Variants in EYA4 observed in about 807,000 individuals in gnomAD.
The protein encoded by EYA4 is protein phosphatase EYA4.
A neutral mutation model predicts 87.9 loss-of-function variants in EYA4; 31 were observed. The ratio of observed to expected loss-of-function variants is 0.35; its 90% CI spans 0.27 to 0.48. EYA4 has a LOEUF of 0.48. EYA4 is among the 20% of genes least tolerant of loss of function. EYA4 has a pLI of 0.99. For synonymous variants in EYA4, 263 were observed against 270.6 expected (o/e 0.97, Z 0.28); for missense variants, 678 against 761.4 (o/e 0.89, Z 1.29).
chr6:133,277,248 A>G (rs1777253436), intron 2 of EYA4, among the ~76,000 whole-genome samples: 1 of 152,110 alleles, frequency 6.6e-6, no homozygotes, highest in African/African-American at 2.4e-5. Flanking sequence ...CTTCATTGCA[A>G]TTTTTAAGGC....
chr6:133,290,338 A>G (rs1778389129), intron 2 of EYA4, among the ~76,000 whole-genome samples: 1 of 152,192 alleles, frequency 6.6e-6, no homozygotes, highest in Non-Finnish European at 1.5e-5. Context: ...TTGTGCCTTC[A>G]TCAAAAAAGT....
intron 13 of EYA4, among the ~76,000 whole-genome samples, chr6:133,483,389 A>G (rs1382778599): frequency 6.6e-6 from 1 of 151,990 alleles, no homozygotes; most frequent in East Asian, 1.9e-4. Flanking sequence ...ATTATTTTAG[A>G]AAAAAAATTG....
intron 2 of EYA4, among the ~76,000 whole-genome samples, chr6:133,280,423 T>C (rs894034993): frequency 6.6e-6 from 1 of 152,198 alleles, no homozygotes; most frequent in Non-Finnish European, 1.5e-5. Flanking sequence ...TTTTTTTTGT[T>C]TGAGATGGAG....
At position 133,426,098 on chromosome 6, in the gene EYA4, C is replaced by A. The variant is rs180683065; in HGVS notation, c.84-20532C>A. On this transcript the variant is annotated intron_variant, in intron 3 of 19. Coordinates refer to ENST00000355286, the MANE Select transcript of EYA4 (RefSeq NM_004100.5). ...ACTCAGATTTGAAGCCTTCTTTTAT[C>A]TCCTGCATACATGTACATTTACAGA... is the stretch of plus-strand genomic sequence containing the variant. Among the ~76,000 whole-genome samples, 483 of 150,970 alleles carry A rather than the reference C, an allele frequency of 3.2e-3. 43 individuals carry two copies. The highest frequency in any genetic ancestry group is 0.012 in the African/African-American group (473 of 40,436).
chr6:133,443,670 C>T (rs1344039685), intron 3 of EYA4, among the ~76,000 whole-genome samples: 1 of 152,108 alleles, frequency 6.6e-6, no homozygotes, highest in Non-Finnish European at 1.5e-5. Flanking sequence ...ATAAACTTCT[C>T]ATTAATCACT....
At chr6:133,509,183 C>T (rs1438673685) in intron 14 of EYA4, among the ~76,000 whole-genome samples, 2 of 152,156 alleles carry the variant, frequency 1.3e-5, no homozygotes, top group Non-Finnish European at 2.9e-5. Context: ...AGCGCCCTAT[C>T]CTTCTGCATC....
chr6:133,421,009 G>A (rs1378479094), intron 3 of EYA4, among the ~76,000 whole-genome samples: 1 of 152,190 alleles, frequency 6.6e-6, no homozygotes, highest in African/African-American at 2.4e-5. Context: ...TCCACATCAA[G>A]CTTCGCTGCA....
chr6:133,430,269 G>A (rs1404789923), intron 3 of EYA4, among the ~76,000 whole-genome samples: 1 of 152,138 alleles, frequency 6.6e-6, no homozygotes, highest in Non-Finnish European at 1.5e-5. Flanking sequence ...TATATTTTAG[G>A]TGTGTGTGTT....
chr6:133,270,134 A>C (rs1007411376), intron 1 of EYA4, among the ~76,000 whole-genome samples: 11 of 152,206 alleles, frequency 7.2e-5, no homozygotes, highest in Non-Finnish European at 1.5e-5. Context: ...TGTTTTGGCA[A>C]CACCCTCACA....
At chr6:133,251,815 A>G (rs750756546) in intron 1 of EYA4, among the ~76,000 whole-genome samples, 1 of 152,192 alleles carries the variant, frequency 6.6e-6, no homozygotes, top group Non-Finnish European at 1.5e-5. Context: ...TCTTAATATC[A>G]TTTGATATAG....
chr6:133,270,997 C>T (rs1776642641), intron 1 of EYA4, among the ~76,000 whole-genome samples: 1 of 152,150 alleles, frequency 6.6e-6, no homozygotes, highest in African/African-American at 2.4e-5. Context: ...GTTCCTCCCT[C>T]TGGAACTAAG....
chr6:133,409,481 C>G (rs1789020518), intron 3 of EYA4, among the ~76,000 whole-genome samples: 1 of 152,140 alleles, frequency 6.6e-6, no homozygotes, highest in South Asian at 2.1e-4. Context: ...AATACACGTA[C>G]TTTCTATAGA....
intron 1 of EYA4, among the ~76,000 whole-genome samples, chr6:133,270,460 A>T (rs1776596972): frequency 6.6e-6 from 1 of 152,336 alleles, no homozygotes; most frequent in East Asian, 1.9e-4. Flanking sequence ...TTTTCTTAGT[A>T]CAAGTGTATA....
intron 2 of EYA4, among the ~76,000 whole-genome samples, chr6:133,297,681 C>G (rs867836718): frequency 5.9e-5 from 9 of 152,246 alleles, no homozygotes; most frequent in African/African-American, 2.2e-4. Flanking sequence ...ATATTCCTTA[C>G]TTTCCTGCCA....
intron 17 of EYA4, among the ~76,000 whole-genome samples, chr6:133,521,324 C>G (rs1800109845): frequency 6.7e-6 from 1 of 149,566 alleles, no homozygotes. Flanking sequence ...AGACACTTCT[C>G]TAAAGAAGAC....
At chr6:133,356,944 T>C (rs2128438800) in intron 2 of EYA4, among the ~76,000 whole-genome samples, 1 of 151,650 alleles carries the variant, frequency 6.6e-6, no homozygotes, top group South Asian at 2.1e-4. Context: ...TGAACTGAGA[T>C]TGTCCTATTT....
At chr6:133,432,321 A>G (rs1791255048) in intron 3 of EYA4, among the ~76,000 whole-genome samples, 1 of 152,132 alleles carries the variant, frequency 6.6e-6, no homozygotes, top group Non-Finnish European at 1.5e-5. Flanking sequence ...TAACTTCCCA[A>G]TTGAATATTT....
At chr6:133,467,572 T>C (rs1254812491) in intron 10 of EYA4, among the ~76,000 whole-genome samples, 1 of 152,118 alleles carries the variant, frequency 6.6e-6, no homozygotes, top group African/African-American at 2.4e-5. Flanking sequence ...TCTTGAAATT[T>C]TCAGACTAAT....
intron 2 of EYA4, among the ~76,000 whole-genome samples, chr6:133,321,867 G>C (rs1179325222): frequency 1.3e-5 from 2 of 152,178 alleles, no homozygotes; most frequent in Non-Finnish European, 2.9e-5. Context: ...AGCTCCCTTA[G>C]GCTCATGGTC....
Sources: allele counts gnomAD v4.1 joint callset (sites outside exome capture counted in the v4.1 genomes callset), GRCh38; gene constraint gnomAD v4.1.1; transcripts MANE v1.5; gene names NCBI Gene and HGNC (gene_info 2026-07-23, HGNC 2026-07-21).